Variants in SLC25A27 observed in about 807,000 individuals in gnomAD.
SLC25A27 encodes the protein solute carrier family 25 member 27, also known as mitochondrial uncoupling protein 4.
In SLC25A27, 35 loss-of-function variants were observed where a neutral mutation model predicts 49.1. The ratio of observed to expected loss-of-function variants is 0.71; its 90% CI spans 0.54 to 0.95. The LOEUF (loss-of-function observed/expected upper bound fraction) is 0.95, where lower values mean the gene tolerates loss of function less well. Ranked by LOEUF, SLC25A27 falls within the 40% of genes least tolerant of loss-of-function variation. The pLI, the probability that SLC25A27 is intolerant of heterozygous loss-of-function variation, is 0.00. For synonymous variants in SLC25A27, 144 were observed against 136.9 expected, an observed-to-expected ratio of 1.05 and a Z score of -0.36; for missense variants, 339 against 397.1, an observed-to-expected ratio of 0.85 and a Z score of 1.24.
chr6:46,653,481 C>G, intron 1 of SLC25A27, 183 bp downstream of exon 1: 2 of 985,440 alleles, frequency 2.0e-6, no homozygotes, highest in Non-Finnish European at 2.4e-6. Flanking sequence ...GAGGTCTCCA[C>G]GGCCTTTTCC....
intron 5 of SLC25A27, among the ~76,000 whole-genome samples, chr6:46,667,640 A>C (rs1266465228): frequency 6.6e-6 from 1 of 152,184 alleles, no homozygotes; most frequent in Admixed American, 6.5e-5. Flanking sequence ...AGCTATCTAC[A>C]GGGTTGTTTT....
In SLC25A27 at chr6:46,677,598, G is replaced by A. The variant is rs1420244030; in HGVS notation, c.*1144G>A. The A allele has an allele frequency of 2.0e-5, 3 of 152,180 alleles. No individual in the cohort carries two copies. Among genetic ancestry groups the A allele is most frequent in the Non-Finnish European group, 4.4e-5 (3 of 68,038 alleles). The allele number at this position is 152,180 out of a possible 1,614,324, so 9.4% of individuals were successfully genotyped here. A position where few individuals can be genotyped will look rare whatever the true frequency, so the allele number is the denominator to read the frequency against. On this transcript the variant is annotated 3_prime_UTR_variant, in exon 9 of 9. Transcript: ENST00000371347. ...TCTCGAATCTTTGAATCAAATCCATGTTCTTATTTTAGAAAGGTAAGAGTT... is the reference window on the plus strand; with the variant it reads ...TCTCGAATCTTTGAATCAAATCCATATTCTTATTTTAGAAAGGTAAGAGTT...
chr6:46,661,534 A>G (rs1303476773), intron 3 of SLC25A27, among the ~76,000 whole-genome samples: 1 of 152,262 alleles, frequency 6.6e-6, no homozygotes, highest in Non-Finnish European at 1.5e-5. Context: ...TTGACATTCT[A>G]TGTTAGCGCT....
chr6:46,677,665 A>G lies in SLC25A27; in HGVS notation c.*1211A>G. The G allele has an allele frequency of 6.6e-6, 1 of 152,492 alleles. No individual in the cohort carries two copies. 9.4% of individuals were successfully genotyped at this position (152,492 alleles called of 1,614,324 possible). The stretch of plus-strand genomic sequence containing the variant: ...ATACCACCGGCTCTCCCAACCTCAG[A>G]CGGTGGGCATTTCTGGATGGATGGC... On this transcript the variant is annotated 3_prime_UTR_variant, in exon 9 of 9. Coordinates refer to ENST00000371347, the MANE Select transcript of SLC25A27 (RefSeq NM_004277.5).
chr6:46,673,724 A>G (rs1238716259), intron 8 of SLC25A27, among the ~76,000 whole-genome samples: 1 of 152,172 alleles, frequency 6.6e-6, no homozygotes, highest in African/African-American at 2.4e-5. Flanking sequence ...TTAAGGACCA[A>G]GTTGGGAAGA....
intron 2 of SLC25A27, among the ~76,000 whole-genome samples, chr6:46,656,705 C>G (rs376679951): frequency 6.6e-6 from 1 of 152,022 alleles, no homozygotes; most frequent in Non-Finnish European, 1.5e-5. Flanking sequence ...AGGCGTGAGC[C>G]GCCGTGCCCA....
rs560317832 is a variant in SLC25A27, at chr6:46,664,760, A to G, written c.507-14A>G. ...ATACATGGAGTTTTCACATTTAATT[A>G]TTATTCTCCTTAGATTTCGTGGTGT... is the stretch of plus-strand genomic sequence containing the variant. On this transcript the variant is annotated splice_polypyrimidine_tract_variant and intron_variant, in intron 4 of 8. Coordinates refer to ENST00000371347, the MANE Select transcript of SLC25A27 (RefSeq NM_004277.5). 2.8e-5 allele frequency: 41 copies of G among 1,466,898 alleles called. No homozygotes were observed. The South Asian group carries it at 4.8e-4, about 17-fold the overall frequency. 90.9% of individuals were successfully genotyped at this position (1,466,898 alleles called of 1,614,324 possible). A position where few individuals can be genotyped will look rare whatever the true frequency, so the allele number is the denominator to read the frequency against.
chr6:46,655,555 T>G (rs983400185), intron 1 of SLC25A27, among the ~76,000 whole-genome samples: 1 of 40,290 alleles, frequency 2.5e-5, no homozygotes, highest in African/African-American at 9.1e-5. Flanking sequence ...TTTTTTTTTT[T>G]TTTTTTTTTT....
rs67622673 is a variant in SLC25A27 at position 46,678,030 on chromosome 6, T to TTATA, written c.*1608_*1611dup. The TTATA allele has an allele frequency of 0.01, 1,022 of 100,454 alleles. 62 individuals carry two copies. Among genetic ancestry groups the TTATA allele is most frequent in the African/African-American group, 0.021 (528 of 25,158 alleles). 6.2% of individuals were successfully genotyped at this position (100,454 alleles called of 1,614,324 possible). A position where few individuals can be genotyped will look rare whatever the true frequency, so the allele number is the denominator to read the frequency against. On this transcript the variant is annotated 3_prime_UTR_variant, in exon 9 of 9. Coordinates refer to ENST00000371347, the MANE Select transcript of SLC25A27 (RefSeq NM_004277.5). ...CAATATGTAATTGCGTTGTAAAATA[T>TTATA]TATATATATATATATATATATATAT...
chr6:46,662,491 C>A lies in SLC25A27; in HGVS notation c.499C>A (p.Pro167Thr). 4 of 1,613,688 alleles carry A rather than the reference C, an allele frequency of 2.5e-6. No homozygotes were observed. Among genetic ancestry groups the A allele is most frequent in the Non-Finnish European group, 3.4e-6 (4 of 1,179,836 alleles). ...MEGKRKLEGKPLRFRGVHHAF... is the reference protein window; with the variant it reads ...MEGKRKLEGKTLRFRGVHHAF... ...AGGAAAAAGGAAACTGGAAGGAAAACCATTGCGGTAAGTTCTCCAATTAAC... is the reference window on the plus strand; with the variant it reads ...AGGAAAAAGGAAACTGGAAGGAAAAACATTGCGGTAAGTTCTCCAATTAAC... The change falls in exon 4 of 9, where the codon CCA becomes ACA. Residue 167 changes from proline to threonine, a missense_variant. Pro to Thr is a conservative substitution (Grantham distance 38). Transcript: ENST00000371347.
At chr6:46,672,788 A>G (rs1763605595) in intron 8 of SLC25A27, among the ~76,000 whole-genome samples, 2 of 152,208 alleles carry the variant, frequency 1.3e-5, no homozygotes, top group South Asian at 2.1e-4. Flanking sequence ...ATATTGGTCT[A>G]TGTCTTAGGA....
intron 4 of SLC25A27, 132 bp from the exon 5 acceptor site, chr6:46,664,642 T>C: frequency 2.1e-6 from 1 of 479,852 alleles, no homozygotes. Flanking sequence ...GCTTCATTTC[T>C]AATAATTCTG....
chr6:46,655,953 C>G lies in SLC25A27; in HGVS notation c.217C>G (p.Arg73Gly). The G allele has an allele frequency of 6.2e-7, 1 of 1,613,854 alleles. No homozygotes were observed. Among genetic ancestry groups the G allele is most frequent in the Non-Finnish European group, 8.5e-7 (1 of 1,179,920 alleles). The change falls in exon 2 of 9, where the codon CGC becomes GGC. Residue 73 changes from arginine (R) to glycine (G), a missense_variant. Arg to Gly is a moderately radical substitution (Grantham distance 125). Coordinates refer to ENST00000371347, the MANE Select transcript of SLC25A27 (RefSeq NM_004277.5). ...RESAPYRGMV[R>G]TALGIIEEEG... ...ATCTGCCCCCTATAGGGGAATGGTG[C>G]GCACAGCTCTAGGGATCATTGAAGA...
chr6:46,662,079 G>A (rs1256612544), intron 3 of SLC25A27, among the ~76,000 whole-genome samples: 2 of 152,096 alleles, frequency 1.3e-5, no homozygotes, highest in Admixed American at 1.3e-4. Flanking sequence ...TTCCCCTGTA[G>A]TTGGAATTAA....
chr6:46,655,890 G>C lies in SLC25A27; in HGVS notation c.154G>C (p.Glu52Gln). 6.2e-7 allele frequency: 1 copy of C among 1,613,358 alleles called. No homozygotes were observed. ...LTKTRLQMQG[E>Q]AALARLGDGA... ...AAAAACTCGACTCCAAATGCAAGGA[G>C]AAGCAGCTCTTGCTCGGTTGGGAGA... The change falls in exon 2 of 9, where the codon GAA becomes CAA. Residue 52 changes from glutamate to glutamine, a missense_variant. Coordinates refer to ENST00000371347, the MANE Select transcript of SLC25A27 (RefSeq NM_004277.5).
Position 46,676,632 on chromosome 6 carries a change from CTT to C in SLC25A27, c.*182_*183del. On this transcript the variant is annotated 3_prime_UTR_variant, in exon 9 of 9. Transcript: ENST00000371347. ...GAAACCCAAGTTCTCTTTGACTCCT[CTT>C]TTTGTCCAAAAGTGATCTGGTCGGA... The C allele has an allele frequency of 6.4e-7, 1 of 1,551,266 alleles. No individual in the cohort carries two copies. The highest frequency in any genetic ancestry group is 8.7e-7 in the Non-Finnish European group (1 of 1,147,074).
At position 46,676,665 on chromosome 6, in the gene SLC25A27, C is replaced by G. The variant is rs1369616808; in HGVS notation, c.*211C>G. ...CCAAAAGTGATCTGGTCGGATCTCACAAGGCCATCCAATGAGACCCCGCAC... is the reference window on the plus strand; with the variant it reads ...CCAAAAGTGATCTGGTCGGATCTCAGAAGGCCATCCAATGAGACCCCGCAC... On this transcript the variant is annotated 3_prime_UTR_variant, in exon 9 of 9. Transcript: ENST00000371347. 1.3e-6 allele frequency: 2 copies of G among 1,550,690 alleles called. No individual in the cohort carries two copies. Among genetic ancestry groups the G allele is most frequent in the African/African-American group, 1.4e-5 (1 of 73,016 alleles).
intron 3 of SLC25A27, among the ~76,000 whole-genome samples, chr6:46,659,617 G>A (rs1018653984): frequency 2.6e-5 from 4 of 152,146 alleles, no homozygotes; most frequent in Non-Finnish European, 2.9e-5. Context: ...ATTTTGGAAG[G>A]CCAAGGTGGG....
At chr6:46,654,915 A>G (rs1217883290) in intron 1 of SLC25A27, among the ~76,000 whole-genome samples, 1 of 152,166 alleles carries the variant, frequency 6.6e-6, no homozygotes, top group Non-Finnish European at 1.5e-5. Flanking sequence ...GAAAAGTCTT[A>G]TATAATGTAA....
Sources: gnomAD v4.1 joint callset for allele counts (sites outside exome capture counted in the v4.1 genomes callset) on GRCh38, gnomAD v4.1.1 for gene constraint, MANE v1.5 for transcripts, NCBI Gene and HGNC (gene_info 2026-07-23, HGNC 2026-07-21) for gene names.